The following ERC2 variants were observed in gnomAD, a reference collection of about 807,000 sequenced individuals.
ERC2 encodes the protein ELKS/RAB6-interacting/CAST family member 2, also known as ERC protein 2.
In ERC2, 42 loss-of-function variants were observed where a neutral mutation model predicts 114.8. The ratio of observed to expected loss-of-function variants is 0.37; its 90% CI spans 0.29 to 0.47. The LOEUF (loss-of-function observed/expected upper bound fraction) is 0.47. Among genes scored for constraint, ERC2 ranks in the 20% least tolerant of loss-of-function variants. The pLI, the probability that ERC2 is intolerant of heterozygous loss-of-function variation, is 0.99. For synonymous variants in ERC2, 454 were observed against 425.5 expected (o/e 1.07, Z -0.82); for missense variants, 939 against 1,150.7 (o/e 0.82, Z 2.66).
chr3:55,855,358 A>G (rs2061743993), intron 14 of ERC2, among the ~76,000 whole-genome samples: 1 of 152,258 alleles, frequency 6.6e-6, no homozygotes, highest in African/African-American at 2.4e-5. Context: ...AATCACATTC[A>G]GTCAAGTGTA....
chr3:55,563,189 T>C (rs907241653), intron 17 of ERC2, among the ~76,000 whole-genome samples: 14 of 152,246 alleles, frequency 9.2e-5, no homozygotes, highest in Middle Eastern at 3.4e-3. Context: ...AAAACCTTCA[T>C]TGGTGTTTAA....
intron 14 of ERC2, among the ~76,000 whole-genome samples, chr3:55,862,697 G>A (rs932510036): frequency 6.6e-6 from 1 of 152,116 alleles, no homozygotes; most frequent in Non-Finnish European, 1.5e-5. Context: ...GATTTACTTG[G>A]ACCTATTTAA....
chr3:55,856,753 A>G (rs896002419), intron 14 of ERC2, among the ~76,000 whole-genome samples: 31 of 152,236 alleles, frequency 2.0e-4, no homozygotes, highest in African/African-American at 7.0e-4. Flanking sequence ...ATAGCTAAAG[A>G]GCGGAAAAAA....
At chr3:56,139,835 C>T (rs1443800840) in intron 5 of ERC2, among the ~76,000 whole-genome samples, 159 bp from the exon 6 acceptor site, 1 of 152,188 alleles carries the variant, frequency 6.6e-6, no homozygotes, top group Non-Finnish European at 1.5e-5. Flanking sequence ...GGGAATCACA[C>T]AGTCTTTGGG....
At chr3:56,291,813 T>C (rs986573906) in intron 3 of ERC2, among the ~76,000 whole-genome samples, 4 of 150,044 alleles carry the variant, frequency 2.7e-5, no homozygotes, top group African/African-American at 9.9e-5. Flanking sequence ...TCAGACACAT[T>C]CTTTCTACTA....
intron 2 of ERC2, among the ~76,000 whole-genome samples, chr3:56,299,238 C>T (rs996636919): frequency 6.6e-6 from 1 of 150,772 alleles, no homozygotes; most frequent in African/African-American, 2.5e-5. Context: ...CGCCTTTCTG[C>T]TGCCTCAGCA....
Position 55,733,546 on chromosome 3 carries a change from A to T in ERC2, c.2712+1225T>A, listed in dbSNP as rs866821085. Among the ~76,000 whole-genome samples, 475 of 118,048 alleles carry T rather than the reference A, an allele frequency of 4.0e-3. 8 individuals are homozygous for T. The highest frequency in any genetic ancestry group is 0.013 in the African/African-American group (344 of 27,248). The allele number at this position is 118,048 out of a possible 152,430, so 77.4% of individuals were successfully genotyped here. On this transcript the variant is annotated intron_variant, in intron 15 of 17. Transcript: ENST00000288221. ...CTCTCATTCTTTCTCTCTCTCTCAC[A>T]CACACACACACACACACACACACAC...
At chr3:55,598,983 G>A (rs1250470125) in intron 17 of ERC2, among the ~76,000 whole-genome samples, 2 of 152,200 alleles carry the variant, frequency 1.3e-5, no homozygotes, top group Admixed American at 1.3e-4. Flanking sequence ...TTTTCCCTTG[G>A]ATTGGCAGCT....
chr3:55,552,444 G>T (rs61403446), intron 17 of ERC2, among the ~76,000 whole-genome samples: 7,610 of 151,606 alleles, frequency 0.05, 237 homozygotes, highest in South Asian at 0.077. Flanking sequence ...TTCCTCCCTG[G>T]CTTTGAGGCG....
intron 2 of ERC2, among the ~76,000 whole-genome samples, chr3:56,329,298 A>G (rs1436719125): frequency 6.6e-6 from 1 of 152,198 alleles, no homozygotes; most frequent in Non-Finnish European, 1.5e-5. Context: ...AGAACAGTGC[A>G]CGAAAAGTAC....
chr3:55,733,493 GTCTC>G (rs139777776), intron 15 of ERC2, among the ~76,000 whole-genome samples: 4,088 of 72,506 alleles, frequency 0.056, 102 homozygotes, highest in Admixed American at 0.11. Flanking sequence ...CACATTCTCT[GTCTC>G]TCTCTCTCTC....
At chr3:55,613,750 G>A (rs1254338495) in intron 17 of ERC2, among the ~76,000 whole-genome samples, 1 of 152,006 alleles carries the variant, frequency 6.6e-6, no homozygotes, top group African/African-American at 2.4e-5. Flanking sequence ...AGGCCAAGGT[G>A]GGTGGATCAC....
intron 3 of ERC2, among the ~76,000 whole-genome samples, chr3:56,179,712 G>T (rs2083183421): frequency 6.6e-6 from 1 of 152,028 alleles, no homozygotes; most frequent in South Asian, 2.1e-4. Flanking sequence ...AAAAATGGAA[G>T]TGGACCACCA....
chr3:56,419,416 A>G (rs1241094229), intron 2 of ERC2, among the ~76,000 whole-genome samples: 1 of 152,230 alleles, frequency 6.6e-6, no homozygotes, highest in Admixed American at 6.5e-5. Context: ...TGTGACACCT[A>G]ATGCTATGCA....
chr3:56,035,986 A>G (rs925635860), intron 7 of ERC2, among the ~76,000 whole-genome samples: 49 of 152,366 alleles, frequency 3.2e-4, no homozygotes, highest in African/African-American at 1.2e-3. Flanking sequence ...AACAGAACTC[A>G]ACAACATATC....
intron 2 of ERC2, among the ~76,000 whole-genome samples, chr3:56,430,212 T>A (rs1411047933): frequency 6.6e-6 from 1 of 152,230 alleles, no homozygotes; most frequent in African/African-American, 2.4e-5. Context: ...AATCTCTGAT[T>A]ATTGTGGATA....
At chr3:56,012,498 G>A (rs986382314) in intron 8 of ERC2, among the ~76,000 whole-genome samples, 2 of 152,028 alleles carry the variant, frequency 1.3e-5, no homozygotes, top group African/African-American at 4.8e-5. Context: ...CAAATCATCT[G>A]GCATACAACA....
At chr3:55,583,584 CCTTCCTTCCT>C (rs1360959990) in intron 17 of ERC2, among the ~76,000 whole-genome samples, 1 of 140,052 alleles carries the variant, frequency 7.1e-6, no homozygotes, top group Non-Finnish European at 1.5e-5. Context: ...TTCCTTCCTT[CCTTCCTTCCT>C]AGAAAGGCAA....
chr3:55,923,805 A>G (rs1289423000), intron 13 of ERC2, among the ~76,000 whole-genome samples: 3 of 152,098 alleles, frequency 2.0e-5, no homozygotes, highest in Non-Finnish European at 4.4e-5. Flanking sequence ...TCTTCTGTGC[A>G]CCAGCCCTGA....
Sources: allele counts gnomAD v4.1 joint callset (sites outside exome capture counted in the v4.1 genomes callset), GRCh38; gene constraint gnomAD v4.1.1; transcripts MANE v1.5; gene names NCBI Gene and HGNC (gene_info 2026-07-23, HGNC 2026-07-21).